The following PHACTR2 variants were observed in gnomAD, a reference collection of about 807,000 sequenced individuals.
PHACTR2 encodes the protein phosphatase and actin regulator 2.
A neutral mutation model predicts 76.0 loss-of-function variants in PHACTR2; 30 were observed. That is an observed-to-expected ratio of 0.39 (90% CI 0.30 to 0.54). The LOEUF is 0.54. Ranked by LOEUF, PHACTR2 falls within the 20% of genes least tolerant of loss-of-function variation. The pLI is 0.61. For missense variants in PHACTR2, 696 were observed against 781.1 expected (o/e 0.89, Z 1.30); for synonymous variants, 292 against 292.5 (o/e 1.00, Z 0.02).
In PHACTR2 at chr6:143,823,717, G is replaced by A; in HGVS notation, c.*28G>A. On this transcript the variant is annotated 3_prime_UTR_variant, in exon 13 of 13. Transcript: ENST00000440869. The surrounding 1 kb of genome is among the most constrained non-coding windows in gnomAD (Gnocchi z 5.7). ...AAGAGTGAGACTATTTGGAAACAGA[G>A]ACTGATCATCTTTGGGGGAAGCCCT... The A allele has an allele frequency of 6.3e-7, 1 of 1,590,450 alleles. No homozygotes were observed. The highest frequency in any genetic ancestry group is 8.6e-7 in the Non-Finnish European group (1 of 1,158,516).
Position 143,550,777 on chromosome 6 carries a change from G to A in PHACTR2, c.217+13570G>A, listed in dbSNP as rs1372538778. Among the ~76,000 whole-genome samples, 1 of 151,698 alleles carries A rather than the reference G, an allele frequency of 6.6e-6. No homozygotes were observed. Among genetic ancestry groups the A allele is most frequent in the African/African-American group, 2.4e-5 (1 of 41,122 alleles). On this transcript the variant is annotated intron_variant, in intron 1 of 11. Coordinates refer to the PHACTR2 transcript ENST00000367584. This position sits in a 1 kb window ranked among gnomAD's most constrained non-coding sequence, Gnocchi z 4.8. Reference sequence around the variant, plus strand: ...ATTAGGGGCGAGTGCGGTGGCTCACGCCTGTAATCCTAGCACTTTAGGAGG... The same window carrying A: ...ATTAGGGGCGAGTGCGGTGGCTCACACCTGTAATCCTAGCACTTTAGGAGG...
At position 143,677,976 on chromosome 6, in the gene PHACTR2, A is replaced by C; in HGVS notation, c.-188A>C. ...GAGGAATGACAGGCATCCGCTGGGC[A>C]GGATCCGCCGCGCCGGCTGCGGCCG... On this transcript the variant is annotated 5_prime_UTR_variant, in exon 1 of 13. Transcript: ENST00000440869. The C allele has an allele frequency of 1.0e-5, 13 of 1,299,640 alleles. No homozygotes were observed. The East Asian group carries it at 1.4e-4, about 14-fold the overall frequency. The allele number at this position is 1,299,640 out of a possible 1,614,324, so 80.5% of individuals were successfully genotyped here.
chr6:143,604,482 C>A (rs529601351), upstream of PHACTR2, among the ~76,000 whole-genome samples: 2 of 152,172 alleles, frequency 1.3e-5, no homozygotes, highest in South Asian at 4.1e-4. Context: ...GGCCTTTATC[C>A]CCCTGGGCTC....
At chr6:143,538,421 C>T (rs1781139637) in intron 1 of PHACTR2, among the ~76,000 whole-genome samples, 1 of 152,206 alleles carries the variant, frequency 6.6e-6, no homozygotes, top group Admixed American at 6.5e-5. Flanking sequence ...AAAAGTCCAC[C>T]AGATGCGTCA....
rs754116234 is a variant in PHACTR2, at chr6:143,774,054, C to T, written c.1433-5C>T. Reference sequence around the variant, plus strand: ...TCTGCATTTCTGCTCTTTTTCAATCCTCAGGTGCTTTGGCAAGTAAAATAC... The same window carrying T: ...TCTGCATTTCTGCTCTTTTTCAATCTTCAGGTGCTTTGGCAAGTAAAATAC... On this transcript the variant is annotated splice_polypyrimidine_tract_variant and splice_region_variant and intron_variant, in intron 7 of 12. Transcript: ENST00000440869. This position sits in a 1 kb window ranked among gnomAD's most constrained non-coding sequence, Gnocchi z 5.4. 20 of 1,612,178 alleles carry T rather than the reference C, an allele frequency of 1.2e-5. 1 individual carries two copies. In the South Asian group the frequency reaches 2.1e-4, roughly 17 times the overall value.
chr6:143,715,845 C>G (rs556018666), intron 2 of PHACTR2, among the ~76,000 whole-genome samples: 49 of 152,354 alleles, frequency 3.2e-4, no homozygotes, highest in Admixed American at 1.3e-3. Context: ...TACATTCTAT[C>G]AGTTCCTAAA....
At position 143,789,276 on chromosome 6, in the gene PHACTR2, T is replaced by C. The variant is rs1775623613; in HGVS notation, c.1845+366T>C. 1 of 169,134 alleles carries C rather than the reference T, an allele frequency of 5.9e-6. No individual in the cohort carries two copies. Among genetic ancestry groups the C allele is most frequent in the Non-Finnish European group, 1.3e-5 (1 of 77,052 alleles). The allele number at this position is 169,134 out of a possible 1,614,324, so 10.5% of individuals were successfully genotyped here. A position where few individuals can be genotyped will look rare whatever the true frequency, so the allele number is the denominator to read the frequency against. On this transcript the variant is annotated intron_variant, in intron 11 of 12. Transcript: ENST00000440869. This position sits in a 1 kb window ranked among gnomAD's most constrained non-coding sequence, Gnocchi z 5.1. ...ATCTTCGTCGAGACTGGCACACTTT[T>C]AATAGAAATGACAAGACAGCAAATA... is the stretch of plus-strand genomic sequence containing the variant.
intron 1 of PHACTR2, among the ~76,000 whole-genome samples, chr6:143,637,785 G>T (rs909583400): frequency 1.3e-5 from 2 of 152,246 alleles, no homozygotes; most frequent in African/African-American, 4.8e-5. Flanking sequence ...CTGTAGCAAT[G>T]GGAGTCTTTT....
chr6:143,807,151 G>T lies in PHACTR2; in HGVS notation c.1922+18G>T. On this transcript the variant is annotated intron_variant, in intron 12 of 12. Transcript: ENST00000440869. The surrounding 1 kb of genome is among the most constrained non-coding windows in gnomAD (Gnocchi z 5.5). Reference sequence around the variant, plus strand: ...TTTACAAGGTAGGTGACAAAATGCAGCTTAGAAATTGAAAATGCTTAAGAT... The same window carrying T: ...TTTACAAGGTAGGTGACAAAATGCATCTTAGAAATTGAAAATGCTTAAGAT... The T allele has an allele frequency of 6.7e-7, 1 of 1,491,402 alleles. No individual in the cohort carries two copies. The highest frequency in any genetic ancestry group is 9.3e-7 in the Non-Finnish European group (1 of 1,077,880). The allele number at this position is 1,491,402 out of a possible 1,614,324, so 92.4% of individuals were successfully genotyped here.
chr6:143,764,223 C>T lies in PHACTR2; in HGVS notation c.695-1038C>T, dbSNP rs996306950. Among the ~76,000 whole-genome samples, 1 of 152,044 alleles carries T rather than the reference C, an allele frequency of 6.6e-6. No homozygotes were observed. The highest frequency in any genetic ancestry group is 1.9e-4 in the East Asian group (1 of 5,188). On this transcript the variant is annotated intron_variant, in intron 5 of 12. Coordinates refer to ENST00000440869, the MANE Select transcript of PHACTR2 (RefSeq NM_001100164.2). This position sits in a 1 kb window ranked among gnomAD's most constrained non-coding sequence, Gnocchi z 4.7. ...CCTTTCCATTCACATTATTTAGAAC[C>T]AGACACGGTGGCTCACACCTGTAAT... is the stretch of plus-strand genomic sequence containing the variant.
chr6:143,762,647 T>G (rs1047006225), intron 5 of PHACTR2, among the ~76,000 whole-genome samples: 1 of 152,238 alleles, frequency 6.6e-6, no homozygotes, highest in African/African-American at 2.4e-5. Flanking sequence ...CTAGAAAAGT[T>G]TGTTCAAATG....
In PHACTR2 at chr6:143,624,676, C is replaced by T. The variant is rs564015238; in HGVS notation, c.13+16354C>T. On this transcript the variant is annotated intron_variant, in intron 1 of 11. Coordinates refer to the PHACTR2 transcript ENST00000305766. The surrounding 1 kb of genome is among the most constrained non-coding windows in gnomAD (Gnocchi z 4.6). ...GGATGGGGACATGTGTTCAATCTGCCCTTGAGGAGCTCCAGGCCTAAAGCT... is the reference window on the plus strand; with the variant it reads ...GGATGGGGACATGTGTTCAATCTGCTCTTGAGGAGCTCCAGGCCTAAAGCT... 1.3e-5 allele frequency among the ~76,000 whole-genome samples: 2 copies of T among 152,090 alleles called. No individual in the cohort carries two copies. Among genetic ancestry groups the T allele is most frequent in the Non-Finnish European group, 2.9e-5 (2 of 67,988 alleles).
intron 1 of PHACTR2, among the ~76,000 whole-genome samples, chr6:143,691,409 G>A (rs758933171): frequency 6.6e-6 from 1 of 152,188 alleles, no homozygotes; most frequent in Non-Finnish European, 1.5e-5. Flanking sequence ...GATGAATTGG[G>A]TCATTCATAT....
At position 143,822,552 on chromosome 6, in the gene PHACTR2, C is replaced by T. The variant is rs1323855940; in HGVS notation, c.1923-1122C>T. ...AACCCCAAGAACTGAAATGATGGAA[C>T]CAGTATTTTTAAGGATAGTGTGAGC... On this transcript the variant is annotated intron_variant, in intron 12 of 12. Coordinates refer to ENST00000440869, the MANE Select transcript of PHACTR2 (RefSeq NM_001100164.2). The surrounding 1 kb of genome is among the most constrained non-coding windows in gnomAD (Gnocchi z 5.5). Among the ~76,000 whole-genome samples, 1 of 152,022 alleles carries T rather than the reference C, an allele frequency of 6.6e-6. No homozygotes were observed. The highest frequency in any genetic ancestry group is 1.5e-5 in the Non-Finnish European group (1 of 68,004).
chr6:143,799,779 C>T (rs778454553), intron 11 of PHACTR2, among the ~76,000 whole-genome samples: 2 of 152,152 alleles, frequency 1.3e-5, no homozygotes, highest in Non-Finnish European at 2.9e-5. Context: ...TTTACATTTG[C>T]TGAGGAGTGT....
chr6:143,636,298 T>A (rs1342314434), intron 1 of PHACTR2, among the ~76,000 whole-genome samples: 3 of 152,134 alleles, frequency 2.0e-5, no homozygotes, highest in Non-Finnish European at 4.4e-5. Flanking sequence ...TTATATATAT[T>A]TTATTATATA....
chr6:143,728,941 C>G (rs1778638089), intron 2 of PHACTR2, among the ~76,000 whole-genome samples: 1 of 152,078 alleles, frequency 6.6e-6, no homozygotes, highest in African/African-American at 2.4e-5. Context: ...GATTTTATGT[C>G]TAAGACCTCA....
At chr6:143,587,334 G>C (rs1775641413) in intron 1 of PHACTR2, among the ~76,000 whole-genome samples, 4 of 152,136 alleles carry the variant, frequency 2.6e-5, no homozygotes. Flanking sequence ...ACGTTTTCTA[G>C]GATTTGACAT....
At position 143,551,673 on chromosome 6, in the gene PHACTR2, C is replaced by T. The variant is rs181816091; in HGVS notation, c.217+14466C>T. ...TAGGGAGACTAAAGATGCTGAGATACACCTTAGTATCAGAGTGTCGGTGGC... is the reference window on the plus strand; with the variant it reads ...TAGGGAGACTAAAGATGCTGAGATATACCTTAGTATCAGAGTGTCGGTGGC... On this transcript the variant is annotated intron_variant, in intron 1 of 11. Transcript: ENST00000367584. Among the ~76,000 whole-genome samples, 25 of 152,204 alleles carry T rather than the reference C, an allele frequency of 1.6e-4. No individual in the cohort carries two copies. In the East Asian group the frequency reaches 2.9e-3, roughly 18 times the overall value.
Sources: allele counts gnomAD v4.1 joint callset (sites outside exome capture counted in the v4.1 genomes callset), GRCh38; gene constraint gnomAD v4.1.1; non-coding constraint Gnocchi (gnomAD v3.1); transcripts MANE v1.5; gene names NCBI Gene and HGNC (gene_info 2026-07-23, HGNC 2026-07-21).